The following RYR3 variants were observed in gnomAD, a reference collection of about 807,000 sequenced individuals.
RYR3 encodes brain ryanodine receptor-calcium release channel.
RYR3 carries 207 observed loss-of-function variants against 584.3 expected under a neutral mutation model. The observed-to-expected ratio is 0.35, with a 90% CI of 0.32 to 0.40. RYR3 has a LOEUF of 0.40. Ranked by LOEUF, RYR3 falls within the 10% of genes least tolerant of loss-of-function variation. The probability of loss-of-function intolerance (pLI) is 1.00; values close to 1 mark genes in which losing one functional copy is unlikely to be tolerated. For synonymous variants in RYR3, 2,416 were observed against 2,248.5 expected, an observed-to-expected ratio of 1.07 and a Z score of -2.11; for missense variants, 5,616 against 6,089.2, an observed-to-expected ratio of 0.92 and a Z score of 2.59.
chr15:33,577,022 T>A (rs2058334743), intron 12 of RYR3, among the ~76,000 whole-genome samples: 1 of 152,094 alleles, frequency 6.6e-6, no homozygotes, highest in African/African-American at 2.4e-5. Flanking sequence ...TAATACTTGC[T>A]ACAAAGAGAA....
At chr15:33,630,341 A>C (rs754896804) in intron 22 of RYR3, among the ~76,000 whole-genome samples, 14 of 152,238 alleles carry the variant, frequency 9.2e-5, no homozygotes, top group Middle Eastern at 3.2e-3. Context: ...AAAGGAAAAA[A>C]AATGAAGCAT....
chr15:33,355,056 C>T (rs567072361), intron 1 of RYR3, among the ~76,000 whole-genome samples: 30 of 152,026 alleles, frequency 2.0e-4, no homozygotes, highest in African/African-American at 2.9e-4. Context: ...TGGTGGTACA[C>T]GCCTGTAATC....
At chr15:33,824,046 A>G (rs1433479553) in intron 81 of RYR3, among the ~76,000 whole-genome samples, 1 of 152,132 alleles carries the variant, frequency 6.6e-6, no homozygotes, top group Non-Finnish European at 1.5e-5. Flanking sequence ...CTATTCATTT[A>G]TTATCTCTCT....
intron 43 of RYR3, among the ~76,000 whole-genome samples, chr15:33,721,035 C>T (rs1236421900): frequency 1.3e-5 from 2 of 152,214 alleles, no homozygotes; most frequent in African/African-American, 4.8e-5. Context: ...TACATGTAAG[C>T]TGGACTTAGT....
At chr15:33,387,802 A>G (rs962846940) in intron 1 of RYR3, among the ~76,000 whole-genome samples, 1 of 152,190 alleles carries the variant, frequency 6.6e-6, no homozygotes, top group Non-Finnish European at 1.5e-5. Context: ...ATAACTGTAT[A>G]ATGTTTTTTA....
chr15:33,801,829 T>C (rs1258007134), intron 68 of RYR3, 40 bp from the exon 69 acceptor site: 1 of 1,098,410 alleles, frequency 9.1e-7, no homozygotes, highest in African/African-American at 1.6e-5. Flanking sequence ...TTTACAGAAC[T>C]TTCTTGTAAT....
At chr15:33,406,969 G>A (rs538241782) in intron 1 of RYR3, among the ~76,000 whole-genome samples, 48 of 152,290 alleles carry the variant, frequency 3.2e-4, no homozygotes, top group Non-Finnish European at 6.0e-4. Context: ...TATGGTTTTG[G>A]AGGCTGGCAA....
intron 89 of RYR3, chr15:33,839,725 G>A (rs2062785583): frequency 6.6e-6 from 1 of 152,216 alleles, no homozygotes; most frequent in African/African-American, 2.4e-5. Flanking sequence ...GCTTAGTGGA[G>A]AATAAAGGCA....
intron 57 of RYR3, among the ~76,000 whole-genome samples, chr15:33,754,213 C>T (rs566705589): frequency 3.3e-5 from 5 of 152,290 alleles, no homozygotes; most frequent in South Asian, 2.1e-4. Flanking sequence ...CCTGCCTGTG[C>T]TCCCTGCTTC....
chr15:33,731,434 C>T (rs1343005879), intron 47 of RYR3, 40 bp from the exon 48 acceptor site: 1 of 1,469,934 alleles, frequency 6.8e-7, no homozygotes, highest in African/African-American at 1.4e-5. Flanking sequence ...TGCTCTGTTC[C>T]TCAGGGCAAT....
intron 2 of RYR3, among the ~76,000 whole-genome samples, chr15:33,501,921 C>T (rs183630286): frequency 5.9e-5 from 9 of 152,188 alleles, no homozygotes; most frequent in South Asian, 2.1e-4. Flanking sequence ...AAAATAAAGG[C>T]GGTAATCCTC....
chr15:33,685,990 G>A, intron 38 of RYR3, among the ~76,000 whole-genome samples: 1 of 152,058 alleles, frequency 6.6e-6, no homozygotes. Flanking sequence ...AGAGAAAGCA[G>A]GAAAGATCTA....
intron 16 of RYR3, among the ~76,000 whole-genome samples, chr15:33,588,094 A>G (rs1402330743): frequency 6.6e-6 from 1 of 152,236 alleles, no homozygotes; most frequent in East Asian, 1.9e-4. Flanking sequence ...GATAACCAGC[A>G]TTTATTTTGC....
chr15:33,824,164 T>G (rs1462632000), intron 81 of RYR3, among the ~76,000 whole-genome samples: 1 of 152,208 alleles, frequency 6.6e-6, no homozygotes, highest in East Asian at 1.9e-4. Flanking sequence ...ATATTGCTCA[T>G]AAAGTTATCC....
Position 33,844,882 on chromosome 15 carries a change from A to G in RYR3, c.13317A>G (p.Glu4439=). 1 of 1,579,764 alleles carries G rather than the reference A, an allele frequency of 6.3e-7. No individual in the cohort carries two copies. Among genetic ancestry groups the G allele is most frequent in the Non-Finnish European group, 8.6e-7 (1 of 1,158,794 alleles). ...GCCAGGTCACTGAAGAACCTTTAGA[A>G]GAAGAGACAGAGGATGTTGCAAACC... is the stretch of plus-strand genomic sequence containing the variant. ...LFYKVTEEPL[E]EETEDVANLW... is the part of the protein sequence containing the mutation. Residue 4439 remains glutamate (E), a synonymous_variant, in exon 93 of 104, where the codon GAA becomes GAG. Transcript: ENST00000634891.
chr15:33,635,565 TTC>T (rs1378550753), intron 25 of RYR3, 47 bp from the exon 26 acceptor site: 2 of 1,447,498 alleles, frequency 1.4e-6, no homozygotes, highest in Non-Finnish European at 1.9e-6. Context: ...AAGGTCTACG[TTC>T]TCTCTTTCCC....
intron 5 of RYR3, among the ~76,000 whole-genome samples, chr15:33,536,971 C>T (rs1183519955): frequency 6.6e-6 from 1 of 152,154 alleles, no homozygotes; most frequent in African/African-American, 2.4e-5. Flanking sequence ...TCTTCCCTGT[C>T]TTTTCTTCCA....
intron 85 of RYR3, among the ~76,000 whole-genome samples, chr15:33,829,844 A>T (rs1231919459): frequency 6.6e-6 from 1 of 152,066 alleles, no homozygotes; most frequent in Non-Finnish European, 1.5e-5. Context: ...CTTGTGGGTG[A>T]TTTGGAGGGG....
intron 3 of RYR3, among the ~76,000 whole-genome samples, chr15:33,523,133 G>A (rs960658750): frequency 1.3e-5 from 2 of 152,032 alleles, no homozygotes; most frequent in African/African-American, 4.8e-5. Flanking sequence ...TCTAGCTAAA[G>A]GATTGTAAAC....
Sources: allele counts gnomAD v4.1 joint callset (sites outside exome capture counted in the v4.1 genomes callset), GRCh38; gene constraint gnomAD v4.1.1; transcripts MANE v1.5; gene names NCBI Gene and HGNC (gene_info 2026-07-23, HGNC 2026-07-21).